The following INPP4B variants were observed in gnomAD, a reference collection of about 807,000 sequenced individuals.
INPP4B encodes the protein inositol polyphosphate 4-phosphatase type II.
A neutral mutation model predicts 122.5 loss-of-function variants in INPP4B; 55 were observed. The ratio of observed to expected loss-of-function variants is 0.45; its 90% CI spans 0.36 to 0.56. The LOEUF (loss-of-function observed/expected upper bound fraction) is 0.56, where lower values mean the gene tolerates loss of function less well. Among genes scored for constraint, INPP4B ranks in the 20% least tolerant of loss-of-function variants. The pLI is 0.00. For synonymous variants in INPP4B, 403 were observed against 388.7 expected (o/e 1.04, Z -0.43); for missense variants, 1,000 against 1,097.7 (o/e 0.91, Z 1.26).
chr4:142,294,829 CAAAAAAAAAAAAAA>C lies in INPP4B; in HGVS notation c.503+10615_503+10628del, dbSNP rs57430432. On this transcript the variant is annotated intron_variant, in intron 9 of 25. Transcript: ENST00000262992. ...CGGGCGACAGAGCGAGACTCCGTCT[CAAAAAAAAAAAAAA>C]AAAAAAAAAAAAAGGCAGACTTACG... 1.4e-4 allele frequency among the ~76,000 whole-genome samples: 4 copies of C among 28,476 alleles called. No individual in the cohort carries two copies. The East Asian group carries it at 6.0e-3, about 43-fold the overall frequency. The allele number at this position is 28,476 out of a possible 152,430, so 18.7% of individuals were successfully genotyped here. A position where few individuals can be genotyped will look rare whatever the true frequency, so the allele number is the denominator to read the frequency against.
chr4:142,156,249 A>T (rs913853629), intron 17 of INPP4B, among the ~76,000 whole-genome samples: 5 of 152,020 alleles, frequency 3.3e-5, no homozygotes, highest in African/African-American at 9.7e-5. Context: ...ATTTGAATAG[A>T]AGTAGGCAGA....
At chr4:142,071,734 A>G (rs569804071) in intron 25 of INPP4B, among the ~76,000 whole-genome samples, 1 of 152,270 alleles carries the variant, frequency 6.6e-6, no homozygotes, top group African/African-American at 2.4e-5. Flanking sequence ...CACATGAAAA[A>G]AATGCTTATC....
At chr4:142,528,622 C>T (rs1374257352) in intron 2 of INPP4B, among the ~76,000 whole-genome samples, 1 of 152,002 alleles carries the variant, frequency 6.6e-6, no homozygotes, top group African/African-American at 2.4e-5. Flanking sequence ...AGTCACTAGG[C>T]CCAGCCCATA....
At chr4:142,317,791 A>G (rs1477433077) in intron 7 of INPP4B, among the ~76,000 whole-genome samples, 1 of 152,196 alleles carries the variant, frequency 6.6e-6, no homozygotes, top group African/African-American at 2.4e-5. Context: ...ACAAAAATGA[A>G]CAAACAAACA....
intron 2 of INPP4B, among the ~76,000 whole-genome samples, chr4:142,564,225 G>A (rs1314138907): frequency 6.6e-6 from 1 of 152,068 alleles, no homozygotes; most frequent in African/African-American, 2.4e-5. Flanking sequence ...TGTAATGTGA[G>A]GCTTGCAGTT....
chr4:142,240,483 C>G (rs993897014), intron 11 of INPP4B, among the ~76,000 whole-genome samples: 2 of 152,108 alleles, frequency 1.3e-5, no homozygotes, highest in Admixed American at 6.6e-5. Context: ...TCCAAGGACT[C>G]TCTAGGAATG....
intron 2 of INPP4B, among the ~76,000 whole-genome samples, chr4:142,669,206 T>C (rs961896569): frequency 1.3e-5 from 2 of 152,214 alleles, no homozygotes; most frequent in African/African-American, 2.4e-5. Context: ...TGTTCTTTGA[T>C]TGGAAGAATT....
intron 21 of INPP4B, among the ~76,000 whole-genome samples, 184 bp from the exon 22 acceptor site, chr4:142,112,866 A>T (rs10026333): frequency 0.13 from 20,141 of 152,134 alleles, 1,490 homozygotes; most frequent in East Asian, 0.23. Flanking sequence ...AATTGTAAGA[A>T]TTCATTTACG....
At chr4:142,446,977 T>A (rs1241789812) in intron 3 of INPP4B, among the ~76,000 whole-genome samples, 1 of 152,176 alleles carries the variant, frequency 6.6e-6, no homozygotes, top group South Asian at 2.1e-4. Flanking sequence ...TTCAACTCTA[T>A]CAGGAAAGTT....
rs552754632 is a variant in INPP4B at position 142,357,383 on chromosome 4, A to G, written c.373-42621T>C. Among the ~76,000 whole-genome samples the G allele has an allele frequency of 2.0e-3, 308 of 152,176 alleles. 1 individual carries two copies. Among genetic ancestry groups the G allele is most frequent in the African/African-American group, 7.0e-3 (291 of 41,562 alleles). On this transcript the variant is annotated intron_variant, in intron 7 of 25. Transcript: ENST00000262992. ...TGCTGAACACACAGTTGATGTCCAC[A>G]GGGATTGGGAGAATTGTTTGATGTG...
chr4:142,312,297 T>C (rs1765814000), intron 8 of INPP4B, among the ~76,000 whole-genome samples: 1 of 152,166 alleles, frequency 6.6e-6, no homozygotes, highest in Non-Finnish European at 1.5e-5. Flanking sequence ...AAGCTAGGGC[T>C]AGAAGAGAGG....
intron 9 of INPP4B, among the ~76,000 whole-genome samples, chr4:142,285,463 G>A (rs1485794272): frequency 2.6e-5 from 4 of 151,988 alleles, no homozygotes; most frequent in Non-Finnish European, 5.9e-5. Context: ...GAAGGGAGGT[G>A]ACATCTCTAG....
intron 2 of INPP4B, among the ~76,000 whole-genome samples, chr4:142,570,673 T>C (rs1241352656): frequency 1.3e-5 from 2 of 152,058 alleles, no homozygotes; most frequent in African/African-American, 2.4e-5. Context: ...TTAAACAATC[T>C]AACTCATTTT....
At chr4:142,123,213 T>C (rs1183894756) in intron 20 of INPP4B, 79 bp downstream of exon 20, 1 of 1,207,680 alleles carries the variant, frequency 8.3e-7, no homozygotes, top group Non-Finnish European at 1.1e-6. Context: ...CTTATTTTTA[T>C]GTTTTCTTGA....
intron 7 of INPP4B, among the ~76,000 whole-genome samples, chr4:142,397,662 C>A (rs999691150): frequency 6.0e-5 from 9 of 151,002 alleles, no homozygotes; most frequent in African/African-American, 2.2e-4. Flanking sequence ...CACGGTGAAA[C>A]CCCCGTCTCT....
At chr4:142,666,057 G>A (rs186484646) in intron 2 of INPP4B, among the ~76,000 whole-genome samples, 12 of 152,084 alleles carry the variant, frequency 7.9e-5, no homozygotes, top group Non-Finnish European at 1.3e-4. Flanking sequence ...CTTACTATAC[G>A]GTACTCATCA....
At chr4:142,361,027 T>C (rs899570325) in intron 7 of INPP4B, among the ~76,000 whole-genome samples, 2 of 151,902 alleles carry the variant, frequency 1.3e-5, no homozygotes, top group East Asian at 3.9e-4. Flanking sequence ...TCAGCTACTT[T>C]ATCCTATTGT....
At chr4:142,683,292 A>G (rs1378471324) in intron 2 of INPP4B, among the ~76,000 whole-genome samples, 1 of 151,936 alleles carries the variant, frequency 6.6e-6, no homozygotes. Flanking sequence ...CAAAACAGGA[A>G]TTTTTGTAAC....
intron 2 of INPP4B, among the ~76,000 whole-genome samples, chr4:142,545,435 C>G (rs767356362): frequency 6.6e-6 from 1 of 151,938 alleles, no homozygotes; most frequent in Non-Finnish European, 1.5e-5. Context: ...GGTCACTGAG[C>G]TAGTACTATG....
Sources: allele counts gnomAD v4.1 joint callset (sites outside exome capture counted in the v4.1 genomes callset), GRCh38; gene constraint gnomAD v4.1.1; transcripts MANE v1.5; gene names NCBI Gene and HGNC (gene_info 2026-07-23, HGNC 2026-07-21).